AGAP1: variants seen among roughly 807,000 people sequenced by gnomAD.
AGAP1 encodes arf-GAP with GTPase, ANK repeat and PH domain-containing protein 1.
AGAP1 carries 29 observed loss-of-function variants against 105.3 expected under a neutral mutation model. The observed-to-expected ratio is 0.28, with a 90% CI of 0.21 to 0.38. AGAP1 has a LOEUF of 0.38. Among genes scored for constraint, AGAP1 ranks in the 10% least tolerant of loss-of-function variants. AGAP1 has a pLI of 1.00. For missense variants in AGAP1, 998 were observed against 1,165.1 expected (o/e 0.86, Z 2.09); for synonymous variants, 509 against 485.9 (o/e 1.05, Z -0.63).
intron 1 of AGAP1, among the ~76,000 whole-genome samples, chr2:235,702,061 G>T (rs777494805): frequency 2.0e-5 from 3 of 152,032 alleles, no homozygotes; most frequent in Non-Finnish European, 2.9e-5. Flanking sequence ...GCAATTTCAG[G>T]TTCCTTTTTT....
At chr2:235,667,708 C>T (rs910821636) in intron 1 of AGAP1, among the ~76,000 whole-genome samples, 3 of 152,124 alleles carry the variant, frequency 2.0e-5, no homozygotes, top group Non-Finnish European at 4.4e-5. Context: ...CGCCTGTAAT[C>T]CCAGCACTCT....
intron 14 of AGAP1, among the ~76,000 whole-genome samples, chr2:236,037,058 G>A (rs745962869): frequency 2.6e-5 from 4 of 152,056 alleles, no homozygotes; most frequent in East Asian, 1.9e-4. Flanking sequence ...AAAGAGAGAC[G>A]GACTTAAAAG....
rs192828275 is a variant in AGAP1 at position 235,769,631 on chromosome 2, G to A, written c.673+19143G>A. ...TGAAGAAGTTTAGTGACATTCAGAG[G>A]AAATCCTTCCAACACAATATACAAT... On this transcript the variant is annotated intron_variant, in intron 6 of 17. Transcript: ENST00000304032. This position sits in a 1 kb window ranked among gnomAD's most constrained non-coding sequence, Gnocchi z 4.4. Among the ~76,000 whole-genome samples the A allele has an allele frequency of 1.4e-4, 22 of 152,122 alleles. No individual in the cohort carries two copies. The highest frequency in any genetic ancestry group is 6.8e-3 in the Middle Eastern group (2 of 294).
At chr2:235,539,123 T>C (rs922186859) in intron 1 of AGAP1, among the ~76,000 whole-genome samples, 10 of 152,236 alleles carry the variant, frequency 6.6e-5, no homozygotes, top group Admixed American at 6.5e-4. Context: ...GTGATCTGCG[T>C]TGGTCTCAAG....
chr2:235,670,084 C>T, intron 1 of AGAP1: 2 of 436,242 alleles, frequency 4.6e-6, no homozygotes, highest in South Asian at 4.2e-5. Context: ...CGGCGGGGCC[C>T]CAGCGCGCGG....
At chr2:235,800,611 T>C (rs947279195) in intron 8 of AGAP1, among the ~76,000 whole-genome samples, 1 of 152,192 alleles carries the variant, frequency 6.6e-6, no homozygotes. Context: ...ACGCTTTTCC[T>C]CCCTGGATCA....
Position 235,566,599 on chromosome 2 carries a change from G to C in AGAP1, c.163+71750G>C. The stretch of plus-strand genomic sequence containing the variant: ...GATGACCAGTGCTGTGAGTGGGCAG[G>C]TCTGTCTCCTGCCTCTCTTATTTAT... On this transcript the variant is annotated intron_variant, in intron 1 of 17. Transcript: ENST00000304032. The surrounding 1 kb of genome is among the most constrained non-coding windows in gnomAD (Gnocchi z 5.2). The C allele has an allele frequency of 1.0e-6, 1 of 985,318 alleles. No individual in the cohort carries two copies. The highest frequency in any genetic ancestry group is 1.2e-6 in the Non-Finnish European group (1 of 829,866). 61.0% of individuals were successfully genotyped at this position (985,318 alleles called of 1,614,324 possible).
At chr2:235,681,701 T>A (rs1329655614) in intron 1 of AGAP1, among the ~76,000 whole-genome samples, 1 of 152,232 alleles carries the variant, frequency 6.6e-6, no homozygotes, top group Admixed American at 6.5e-5. Flanking sequence ...TACTGAATAA[T>A]GTCCTCTTAG....
At chr2:235,706,700 G>A (rs1950554497) in intron 1 of AGAP1, among the ~76,000 whole-genome samples, 1 of 152,144 alleles carries the variant, frequency 6.6e-6, no homozygotes, top group Admixed American at 6.5e-5. Flanking sequence ...CCATGATGTG[G>A]CTATATCCAC....
chr2:236,094,509 G>A (rs1043455705), intron 16 of AGAP1, among the ~76,000 whole-genome samples: 25 of 151,586 alleles, frequency 1.6e-4, no homozygotes, highest in African/African-American at 5.1e-4. Context: ...AGACTACCAC[G>A]ACCATCTAGT....
At chr2:235,576,168 A>G (rs1944726171) in intron 1 of AGAP1, among the ~76,000 whole-genome samples, 1 of 152,144 alleles carries the variant, frequency 6.6e-6, no homozygotes, top group Non-Finnish European at 1.5e-5. Flanking sequence ...GGCTGGGTCC[A>G]TACCTGGCGC....
intron 13 of AGAP1, among the ~76,000 whole-genome samples, chr2:236,016,482 G>A (rs977167847): frequency 2.7e-5 from 4 of 150,218 alleles, no homozygotes; most frequent in African/African-American, 9.8e-5. Flanking sequence ...GGTTTCAAAT[G>A]CAGTGTATAG....
Position 235,961,330 on chromosome 2 carries a change from C to T in AGAP1, c.1484-7132C>T, listed in dbSNP as rs1307592208. On this transcript the variant is annotated intron_variant, in intron 12 of 17. Transcript: ENST00000304032. The surrounding 1 kb of genome is among the most constrained non-coding windows in gnomAD (Gnocchi z 5.9). ...GTCCCTTCTGCCTGCCTAGCAGAACCCCTCCACACGGCTCCCCGTCTAAGG... is the reference window on the plus strand; with the variant it reads ...GTCCCTTCTGCCTGCCTAGCAGAACTCCTCCACACGGCTCCCCGTCTAAGG... 6.6e-6 allele frequency among the ~76,000 whole-genome samples: 1 copy of T among 152,186 alleles called. No individual in the cohort carries two copies. The highest frequency in any genetic ancestry group is 1.5e-5 in the Non-Finnish European group (1 of 68,032).
At chr2:235,669,897 C>T (rs1418514262) in intron 1 of AGAP1, 2 of 147,866 alleles carry the variant, frequency 1.4e-5, no homozygotes, top group East Asian at 4.0e-4. Context: ...CTCGGCGCCC[C>T]GGGCCCGGAC....
Position 235,962,473 on chromosome 2 carries a change from A to T in AGAP1, c.1484-5989A>T, listed in dbSNP as rs10184203. Reference sequence around the variant, plus strand: ...GTGAGCGGGTTGGACGTCAGATGGCATGGAACTCAGGGCATAGAGGAGCCA... The same window carrying T: ...GTGAGCGGGTTGGACGTCAGATGGCTTGGAACTCAGGGCATAGAGGAGCCA... On this transcript the variant is annotated intron_variant, in intron 12 of 17. Coordinates refer to ENST00000304032, the MANE Select transcript of AGAP1 (RefSeq NM_001037131.3). This position sits in a 1 kb window ranked among gnomAD's most constrained non-coding sequence, Gnocchi z 5.3. Among the ~76,000 whole-genome samples, 1 of 151,920 alleles carries T rather than the reference A, an allele frequency of 6.6e-6. No homozygotes were observed. Among genetic ancestry groups the T allele is most frequent in the Non-Finnish European group, 1.5e-5 (1 of 67,988 alleles).
intron 1 of AGAP1, among the ~76,000 whole-genome samples, chr2:235,602,161 A>G (rs888845782): frequency 6.6e-6 from 1 of 152,128 alleles, no homozygotes; most frequent in Non-Finnish European, 1.5e-5. Context: ...TAGTTGGGGG[A>G]AAAAATCAAA....
intron 1 of AGAP1, among the ~76,000 whole-genome samples, chr2:235,511,617 C>G (rs904856407): frequency 6.6e-6 from 1 of 152,196 alleles, no homozygotes; most frequent in African/African-American, 2.4e-5. Context: ...AGGGAAATTA[C>G]TCACTTGTTT....
At chr2:235,543,569 C>T (rs895921765) in intron 1 of AGAP1, among the ~76,000 whole-genome samples, 3 of 152,168 alleles carry the variant, frequency 2.0e-5, no homozygotes, top group African/African-American at 7.2e-5. Flanking sequence ...TGTGGCTGGC[C>T]GGGGGTGTTT....
chr2:235,896,435 A>G (rs2050810506), intron 10 of AGAP1, among the ~76,000 whole-genome samples: 1 of 152,236 alleles, frequency 6.6e-6, no homozygotes, highest in South Asian at 2.1e-4. Flanking sequence ...TGGGTTTTAA[A>G]TGTAAAAACT....
Sources: allele counts gnomAD v4.1 joint callset (sites outside exome capture counted in the v4.1 genomes callset), GRCh38; gene constraint gnomAD v4.1.1; non-coding constraint Gnocchi (gnomAD v3.1); transcripts MANE v1.5; gene names NCBI Gene and HGNC (gene_info 2026-07-23, HGNC 2026-07-21).